Variants in CHST8 observed in about 807,000 individuals in gnomAD.
CHST8 encodes the protein GALNAC-4-ST1.
Under a neutral mutation model 15.0 loss-of-function variants are expected in CHST8, and 10 were observed. The observed-to-expected ratio is 0.67, with a 90% CI of 0.41 to 1.13. CHST8 has a LOEUF of 1.13. Ranked by LOEUF, CHST8 falls within the 50% of genes most tolerant of loss-of-function variation. The pLI, the probability that CHST8 is intolerant of heterozygous loss-of-function variation, is 0.00. For missense variants in CHST8, 634 were observed against 608.2 expected, an observed-to-expected ratio of 1.04 and a Z score of -0.45; for synonymous variants, 259 against 256.6, an observed-to-expected ratio of 1.01 and a Z score of -0.09.
intron 2 of CHST8, among the ~76,000 whole-genome samples, chr19:33,687,011 G>T (rs10419319): frequency 0.17 from 25,157 of 152,278 alleles, 2,329 homozygotes; most frequent in Admixed American, 0.25. Context: ...CCCTGTGTCG[G>T]TGCGTGACAT....
intron 3 of CHST8, among the ~76,000 whole-genome samples, chr19:33,713,556 C>CT (rs1254436671): frequency 6.6e-6 from 1 of 152,048 alleles, no homozygotes; most frequent in African/African-American, 2.4e-5. Context: ...GGCACTGGGG[C>CT]TTTTTTTGTT....
chr19:33,763,559 CAG>C (rs1402146359), intron 3 of CHST8, among the ~76,000 whole-genome samples: 1 of 152,216 alleles, frequency 6.6e-6, no homozygotes, highest in Non-Finnish European at 1.5e-5. Flanking sequence ...GTGACTGTGA[CAG>C]AGGCTGGTCT....
Position 33,772,863 on chromosome 19 carries a change from C to A in CHST8, c.1075C>A (p.Leu359Met). 6.2e-7 allele frequency: 1 copy of A among 1,613,540 alleles called. No individual in the cohort carries two copies. The highest frequency in any genetic ancestry group is 8.5e-7 in the Non-Finnish European group (1 of 1,180,042). ...ESMEDDANFF[L>M]SLIRAPRNLT... ...CATGGAGGACGATGCCAACTTCTTC[C>A]TGAGCCTCATCCGCGCGCCGCGGAA... The change falls in exon 5 of 5, where the codon CTG (leucine) becomes ATG (methionine). Residue 359 changes from leucine (L) to methionine (M), a missense_variant. Coordinates refer to ENST00000650847, the MANE Select transcript of CHST8 (RefSeq NM_001127895.2).
At chr19:33,659,173 C>T (rs1204199676) in intron 1 of CHST8, among the ~76,000 whole-genome samples, 1 of 144,184 alleles carries the variant, frequency 6.9e-6, no homozygotes, top group Non-Finnish European at 1.5e-5. Flanking sequence ...TCAAGCGATT[C>T]TCCTGCCTCA....
intron 1 of CHST8, among the ~76,000 whole-genome samples, chr19:33,629,910 C>T (rs569065800): frequency 6.6e-6 from 1 of 152,390 alleles, no homozygotes; most frequent in Admixed American, 6.5e-5. Flanking sequence ...CTGTCTGTTG[C>T]CTTCACCACT....
rs565152841 is a variant in CHST8 at position 33,628,942 on chromosome 19, G to A, written c.-164+6646G>A. 2.6e-5 allele frequency among the ~76,000 whole-genome samples: 4 copies of A among 152,298 alleles called. No individual in the cohort carries two copies. In the South Asian group the frequency reaches 6.2e-4, roughly 24 times the overall value. On this transcript the variant is annotated intron_variant, in intron 1 of 4. Transcript: ENST00000650847. ...CTCTGGCTGAGTCACATCCTCCTAG[G>A]ACTGGGTGGCCAGGCTGCTGGTTGT...
At chr19:33,755,023 T>A (rs982065323) in intron 3 of CHST8, among the ~76,000 whole-genome samples, 1 of 152,192 alleles carries the variant, frequency 6.6e-6, no homozygotes, top group Non-Finnish European at 1.5e-5. Context: ...CCCATCCTTG[T>A]GTCTCTCACT....
chr19:33,767,276 C>T (rs1244082361), intron 3 of CHST8, among the ~76,000 whole-genome samples: 1 of 152,258 alleles, frequency 6.6e-6, no homozygotes, highest in Non-Finnish European at 1.5e-5. Context: ...CTCCATGGCT[C>T]CTGGGCAGTG....
chr19:33,634,148 C>T (rs571195563), intron 1 of CHST8, among the ~76,000 whole-genome samples: 72 of 152,208 alleles, frequency 4.7e-4, no homozygotes, highest in African/African-American at 1.5e-3. Flanking sequence ...CTAAAGGGGT[C>T]GTACTGATGT....
chr19:33,767,641 CTTGT>C (rs1974878648), intron 3 of CHST8, among the ~76,000 whole-genome samples: 2 of 152,186 alleles, frequency 1.3e-5, no homozygotes, highest in Non-Finnish European at 2.9e-5. Flanking sequence ...AGAGAAAGTG[CTTGT>C]TTATTTCTTA....
At position 33,728,827 on chromosome 19, in the gene CHST8, T is replaced by C. The variant is rs138165383; in HGVS notation, c.130+39436T>C. 2.6e-5 allele frequency among the ~76,000 whole-genome samples: 4 copies of C among 152,246 alleles called. No homozygotes were observed. In the East Asian group the frequency reaches 7.7e-4, roughly 29 times the overall value. Reference sequence around the variant, plus strand: ...CCCAGGGCAGGAGGAGCTGGGGTCATCTGGGGAGAAGATGCAACACAAGGC... The same window carrying C: ...CCCAGGGCAGGAGGAGCTGGGGTCACCTGGGGAGAAGATGCAACACAAGGC... On this transcript the variant is annotated intron_variant, in intron 3 of 4. Coordinates refer to ENST00000650847, the MANE Select transcript of CHST8 (RefSeq NM_001127895.2).
At chr19:33,756,533 T>C (rs1035892852) in intron 3 of CHST8, among the ~76,000 whole-genome samples, 1 of 152,190 alleles carries the variant, frequency 6.6e-6, no homozygotes, top group Non-Finnish European at 1.5e-5. Flanking sequence ...GAGACCTCCC[T>C]GTCTGGGGGT....
chr19:33,764,564 T>C (rs1974794328), intron 3 of CHST8, among the ~76,000 whole-genome samples: 2 of 152,192 alleles, frequency 1.3e-5, no homozygotes, highest in South Asian at 4.1e-4. Context: ...CTGTCTGTAC[T>C]GGGTCAAATT....
At position 33,772,553 on chromosome 19, in the gene CHST8, CTT is replaced by C. The variant is rs1975017738; in HGVS notation, c.767_768del (p.Phe256CysfsTer17). On this transcript the variant is annotated frameshift_variant, in exon 5 of 5. Coordinates refer to ENST00000650847, the MANE Select transcript of CHST8 (RefSeq NM_001127895.2). LOFTEE classifies it high-confidence loss of function. ...GTCTCAGCACCTACACCAAGATGCT[CTT>C]TGTCCGCGAGCCCTTCGAGAGGCTG... is the stretch of plus-strand genomic sequence containing the variant. ...HRLSTYTKML[F>X]VREPFERLVS... The C allele has an allele frequency of 1.9e-6, 3 of 1,614,098 alleles. No individual in the cohort carries two copies. Among genetic ancestry groups the C allele is most frequent in the Non-Finnish European group, 2.5e-6 (3 of 1,180,038 alleles).
intron 1 of CHST8, among the ~76,000 whole-genome samples, chr19:33,646,049 G>A (rs1972351547): frequency 1.3e-5 from 2 of 152,112 alleles, no homozygotes; most frequent in Admixed American, 1.3e-4. Flanking sequence ...GATTGCTGGA[G>A]CCCAGGAGTT....
intron 3 of CHST8, among the ~76,000 whole-genome samples, chr19:33,728,337 G>C (rs1041770752): frequency 6.6e-6 from 1 of 152,240 alleles, no homozygotes; most frequent in Non-Finnish European, 1.5e-5. Context: ...TTTTGGGGCG[G>C]CTTCTGTAGC....
At chr19:33,702,740 C>T (rs941332673) in intron 3 of CHST8, among the ~76,000 whole-genome samples, 1 of 152,326 alleles carries the variant, frequency 6.6e-6, no homozygotes, top group Admixed American at 6.5e-5. Flanking sequence ...GAGTCACAGC[C>T]CAGAGGGCCC....
chr19:33,740,140 C>T (rs1440368402), intron 3 of CHST8, among the ~76,000 whole-genome samples: 1 of 152,214 alleles, frequency 6.6e-6, no homozygotes, highest in East Asian at 1.9e-4. Context: ...AGCCATTCAG[C>T]AAGCTGTAGG....
intron 3 of CHST8, among the ~76,000 whole-genome samples, chr19:33,758,982 T>C (rs1025230600): frequency 5.3e-5 from 8 of 151,914 alleles, no homozygotes; most frequent in Admixed American, 4.6e-4. Flanking sequence ...GGAGTGTGCG[T>C]GTCACCTGGT....
Sources: allele counts gnomAD v4.1 joint callset (sites outside exome capture counted in the v4.1 genomes callset), GRCh38; gene constraint gnomAD v4.1.1; transcripts MANE v1.5; gene names NCBI Gene and HGNC (gene_info 2026-07-23, HGNC 2026-07-21).